PXDNL: variants seen among roughly 807,000 people sequenced by gnomAD.
The protein encoded by PXDNL is peroxidasin like, also known as probable oxidoreductase PXDNL.
PXDNL carries 145 observed loss-of-function variants against 150.8 expected under a neutral mutation model. That is an observed-to-expected ratio of 0.96 (90% CI 0.84 to 1.10). The LOEUF (loss-of-function observed/expected upper bound fraction) is 1.10, where lower values mean the gene tolerates loss of function less well. Among genes scored for constraint, PXDNL ranks in the 50% least tolerant of loss-of-function variants. The probability of loss-of-function intolerance (pLI) is 0.00; values close to 1 mark genes in which losing one functional copy is unlikely to be tolerated. For synonymous variants in PXDNL, 757 were observed against 725.7 expected, an observed-to-expected ratio of 1.04 and a Z score of -0.69; for missense variants, 2,087 against 1,873.9, an observed-to-expected ratio of 1.11 and a Z score of -2.10.
At chr8:51,675,054 C>T (rs1381815790) in intron 1 of PXDNL, among the ~76,000 whole-genome samples, 1 of 152,148 alleles carries the variant, frequency 6.6e-6, no homozygotes, top group Non-Finnish European at 1.5e-5. Flanking sequence ...TTCTATGTGG[C>T]CCATCATTTG....
chr8:51,355,328 T>A (rs908773703), intron 19 of PXDNL, among the ~76,000 whole-genome samples: 6 of 152,176 alleles, frequency 3.9e-5, no homozygotes, highest in African/African-American at 1.4e-4. Context: ...AACCTAAATA[T>A]ATTTACATTT....
chr8:51,409,254 C>CG lies in PXDNL; in HGVS notation c.2369dup (p.Ala791GlyfsTer230), dbSNP rs1491543905. The stretch of plus-strand genomic sequence containing the variant: ...AGCTGTGGTCGGGGGTGACGGCCGC[C>CG]GCGCGCGCCCACACTGTGGCGACCA... On this transcript the variant is annotated frameshift_variant, in exon 17 of 23. Coordinates refer to ENST00000356297, the MANE Select transcript of PXDNL (RefSeq NM_144651.5). LOFTEE classifies it high-confidence loss of function. 1 of 1,491,982 alleles carries CG rather than the reference C, an allele frequency of 6.7e-7. No homozygotes were observed. Among genetic ancestry groups the CG allele is most frequent in the African/African-American group, 1.4e-5 (1 of 71,160 alleles). 92.4% of individuals were successfully genotyped at this position (1,491,982 alleles called of 1,614,324 possible).
intron 21 of PXDNL, among the ~76,000 whole-genome samples, chr8:51,326,684 C>T (rs1805504049): frequency 6.6e-6 from 1 of 152,088 alleles, no homozygotes; most frequent in Non-Finnish European, 1.5e-5. Context: ...TCACTGCATT[C>T]CCCAAAAAGC....
chr8:51,808,556 AT>A (rs2037702460), intron 1 of PXDNL, among the ~76,000 whole-genome samples: 2 of 152,126 alleles, frequency 1.3e-5, no homozygotes, highest in Non-Finnish European at 2.9e-5. Context: ...TGACTTCCAA[AT>A]TCTGGTTTGC....
In PXDNL at chr8:51,387,430, G is replaced by A. The variant is rs1294044963; in HGVS notation, c.3558-12699C>T. On this transcript the variant is annotated intron_variant, in intron 17 of 22. Coordinates refer to ENST00000356297, the MANE Select transcript of PXDNL (RefSeq NM_144651.5). The stretch of plus-strand genomic sequence containing the variant: ...GTAGAGTAACTGCTGGCTGTCATGA[G>A]AGCCATGTCTAGAAGAAGTCAGAGA... Among the ~76,000 whole-genome samples the A allele has an allele frequency of 1.3e-5, 2 of 152,136 alleles. 1 individual carries two copies. Among genetic ancestry groups the A allele is most frequent in the Non-Finnish European group, 2.9e-5 (2 of 68,028 alleles).
rs1423907749 is a variant in PXDNL at position 51,409,262 on chromosome 8, C to T, written c.2362G>A (p.Ala788Thr). 6.8e-7 allele frequency: 1 copy of T among 1,478,754 alleles called. No homozygotes were observed. The highest frequency in any genetic ancestry group is 1.4e-5 in the African/African-American group (1 of 70,012). The allele number at this position is 1,478,754 out of a possible 1,614,324, so 91.6% of individuals were successfully genotyped here. ...PPPRLVATVW[A>T]RAAAVTPDHS... Reference sequence around the variant, plus strand: ...TCGGGGGTGACGGCCGCCGCGCGCGCCCACACTGTGGCGACCAGCCGGGGC... The same window carrying T: ...TCGGGGGTGACGGCCGCCGCGCGCGTCCACACTGTGGCGACCAGCCGGGGC... The change falls in exon 17 of 23, where the codon GCG (alanine) becomes ACG (threonine). Residue 788 changes from alanine (A) to threonine (T), a missense_variant. Physicochemically the swap from Ala to Thr is moderately conservative, Grantham distance 58 (BLOSUM62 0). Coordinates refer to ENST00000356297, the MANE Select transcript of PXDNL (RefSeq NM_144651.5).
intron 12 of PXDNL, among the ~76,000 whole-genome samples, chr8:51,433,303 C>G (rs760209214): frequency 6.6e-6 from 1 of 150,868 alleles, no homozygotes; most frequent in East Asian, 1.9e-4. Flanking sequence ...TGTTTTATTT[C>G]TAAAAAAAGG....
At chr8:51,654,612 G>C in intron 2 of PXDNL, 77 bp downstream of exon 2, 2 of 1,102,200 alleles carry the variant, frequency 1.8e-6, no homozygotes, top group Non-Finnish European at 1.4e-6. Context: ...TTGACACTCA[G>C]AATGACTTTC....
intron 17 of PXDNL, among the ~76,000 whole-genome samples, chr8:51,394,238 T>C (rs1251680739): frequency 2.6e-5 from 4 of 152,204 alleles, no homozygotes; most frequent in Non-Finnish European, 4.4e-5. Context: ...TGAGAGGTGA[T>C]ATATGTCACA....
intron 1 of PXDNL, among the ~76,000 whole-genome samples, chr8:51,762,164 G>A (rs1005057053): frequency 6.6e-6 from 1 of 152,064 alleles, no homozygotes; most frequent in African/African-American, 2.4e-5. Flanking sequence ...AGGGGCCTGG[G>A]GAGTCATGCC....
chr8:51,547,639 AG>A (rs1187271701), intron 4 of PXDNL, among the ~76,000 whole-genome samples: 1 of 152,188 alleles, frequency 6.6e-6, no homozygotes, highest in Non-Finnish European at 1.5e-5. Flanking sequence ...CCTAGGGAAA[AG>A]GGGAGAAAAC....
intron 1 of PXDNL, among the ~76,000 whole-genome samples, chr8:51,691,736 T>C (rs1816003711): frequency 6.6e-6 from 1 of 152,324 alleles, no homozygotes; most frequent in African/African-American, 2.4e-5. Context: ...CTTTCTTCCA[T>C]GATGCATACT....
intron 1 of PXDNL, among the ~76,000 whole-genome samples, chr8:51,789,689 CT>C (rs1246588042): frequency 6.6e-6 from 1 of 152,128 alleles, no homozygotes; most frequent in Non-Finnish European, 1.5e-5. Context: ...TCTGCTTGCA[CT>C]TGGTCTGTTT....
At chr8:51,405,340 T>C (rs890289302) in intron 17 of PXDNL, among the ~76,000 whole-genome samples, 3 of 152,168 alleles carry the variant, frequency 2.0e-5, no homozygotes, top group Admixed American at 6.5e-5. Flanking sequence ...CCGTCACCTC[T>C]CAATGAGGGT....
intron 13 of PXDNL, 107 bp from the exon 14 acceptor site, chr8:51,423,838 G>A (rs923562904): frequency 3.0e-5 from 30 of 998,604 alleles, no homozygotes; most frequent in South Asian, 1.5e-4. Context: ...TCTATTGCAC[G>A]TTTGCTGTGT....
At chr8:51,559,036 G>A (rs879370098) in intron 3 of PXDNL, among the ~76,000 whole-genome samples, 7 of 151,898 alleles carry the variant, frequency 4.6e-5, no homozygotes, top group Non-Finnish European at 7.4e-5. Context: ...CTGGAATAAG[G>A]GGGATATTAT....
intron 1 of PXDNL, among the ~76,000 whole-genome samples, chr8:51,796,194 A>G (rs540021469): frequency 1.6e-4 from 24 of 152,292 alleles, no homozygotes; most frequent in African/African-American, 5.8e-4. Flanking sequence ...ACACCTTAAC[A>G]TCACAATTAA....
intron 12 of PXDNL, among the ~76,000 whole-genome samples, chr8:51,445,718 G>A (rs1054307469): frequency 3.3e-5 from 5 of 152,148 alleles, no homozygotes; most frequent in South Asian, 2.1e-4. Context: ...AATAATATGT[G>A]TGGACTTACT....
chr8:51,735,178 T>G (rs1817007027), intron 1 of PXDNL, among the ~76,000 whole-genome samples: 1 of 152,192 alleles, frequency 6.6e-6, no homozygotes, highest in Non-Finnish European at 1.5e-5. Context: ...TTTTGTACAT[T>G]TAAAAATAAA....
Sources: allele counts gnomAD v4.1 joint callset (sites outside exome capture counted in the v4.1 genomes callset), GRCh38; gene constraint gnomAD v4.1.1; transcripts MANE v1.5; gene names NCBI Gene and HGNC (gene_info 2026-07-23, HGNC 2026-07-21).